Variants in DNHD1 observed in about 807,000 individuals in gnomAD.
The protein encoded by DNHD1 is dynein heavy chain domain-containing protein 1.
A neutral mutation model predicts 458.1 loss-of-function variants in DNHD1; 383 were observed. The ratio of observed to expected loss-of-function variants is 0.84; its 90% CI spans 0.77 to 0.91. The LOEUF (loss-of-function observed/expected upper bound fraction) is 0.91, where lower values mean the gene tolerates loss of function less well. Ranked by LOEUF, DNHD1 falls within the 40% of genes least tolerant of loss-of-function variation. The pLI, the probability that DNHD1 is intolerant of heterozygous loss-of-function variation, is 0.00. For synonymous variants in DNHD1, 2,203 were observed against 2,376.9 expected, an observed-to-expected ratio of 0.93 and a Z score of 2.13; for missense variants, 5,336 against 5,866.1, an observed-to-expected ratio of 0.91 and a Z score of 2.95.
At chr11:6,539,518 CT>C (rs1853045192) in intron 17 of DNHD1, among the ~76,000 whole-genome samples, 1 of 152,216 alleles carries the variant, frequency 6.6e-6, no homozygotes, top group African/African-American at 2.4e-5. Flanking sequence ...GAGTATGTCC[CT>C]GATGGGGGAA....
chr11:6,520,307 G>A lies in DNHD1; in HGVS notation c.1837+18G>A. 3 of 1,551,702 alleles carry A rather than the reference G, an allele frequency of 1.9e-6. No individual in the cohort carries two copies. Among genetic ancestry groups the A allele is most frequent in the Non-Finnish European group, 2.6e-6 (3 of 1,146,988 alleles). ...TTCTGAAGGTATTTAGGGAGACCTA[G>A]GCAGGGGGTAGGAAGGCTGAAGGAG... On this transcript the variant is annotated intron_variant, in intron 10 of 42. Coordinates refer to ENST00000254579, the MANE Select transcript of DNHD1 (RefSeq NM_144666.3).
chr11:6,539,722 C>T (rs916069200), intron 17 of DNHD1, among the ~76,000 whole-genome samples, 154 bp from the exon 18 acceptor site: 2 of 152,202 alleles, frequency 1.3e-5, no homozygotes, highest in East Asian at 1.9e-4. Context: ...ATCTTTGAAG[C>T]CTGATGGTCC....
At chr11:6,523,099 C>A (rs2134399513) in intron 10 of DNHD1, among the ~76,000 whole-genome samples, 1 of 152,274 alleles carries the variant, frequency 6.6e-6, no homozygotes, top group East Asian at 1.9e-4. Context: ...TTTAGTATGG[C>A]AATATCCTAC....
intron 36 of DNHD1, 91 bp from the exon 37 acceptor site, chr11:6,567,965 A>G (rs1853747014): frequency 6.7e-7 from 1 of 1,482,862 alleles, no homozygotes. Flanking sequence ...CTACGTAGGG[A>G]CTTTGGGGAT....
At chr11:6,540,250 C>G (rs919637751) in intron 18 of DNHD1, among the ~76,000 whole-genome samples, 167 bp downstream of exon 18, 1 of 152,288 alleles carries the variant, frequency 6.6e-6, no homozygotes, top group Non-Finnish European at 1.5e-5. Context: ...ATGTAGCCCC[C>G]CTACTGTCTT....
chr11:6,547,640 T>C lies in DNHD1; in HGVS notation c.6701T>C (p.Leu2234Pro). ...LHSLLDLHLRLKEEKAPGPED... is the reference protein window; with the variant it reads ...LHSLLDLHLRPKEEKAPGPED... ...AGTCTGCTTGACCTCCACCTTCGCC[T>C]AAAGGAGGAGAAGGCCCCTGGCCCA... The change falls in exon 21 of 43, where the codon CTA (leucine) becomes CCA (proline). Residue 2234 changes from leucine to proline, a missense_variant. By Grantham distance (98) the Leu-to-Pro change is moderately conservative. This residue lies in a region of DNHD1 where 3,932 missense variants were observed against 4,365.6 expected (regional missense o/e 0.90). Coordinates refer to ENST00000254579, the MANE Select transcript of DNHD1 (RefSeq NM_144666.3). 1 of 1,529,488 alleles carries C rather than the reference T, an allele frequency of 6.5e-7. No homozygotes were observed. The allele number at this position is 1,529,488 out of a possible 1,614,324, so 94.7% of individuals were successfully genotyped here.
chr11:6,564,678 C>A lies in DNHD1; in HGVS notation c.10630C>A (p.Pro3544Thr). 6.4e-7 allele frequency: 1 copy of A among 1,551,694 alleles called. No homozygotes were observed. The highest frequency in any genetic ancestry group is 2.4e-5 in the East Asian group (1 of 40,916). ...AHLAGLLLRSPTHYSSCRWPL... is the reference protein window; with the variant it reads ...AHLAGLLLRSTTHYSSCRWPL... ...CCTGGCAGGCTTGCTTCTGCGAAGCCCCACACACTACAGTAGTTGCCGTTG... is the reference window on the plus strand; with the variant it reads ...CCTGGCAGGCTTGCTTCTGCGAAGCACCACACACTACAGTAGTTGCCGTTG... Residue 3544 changes from proline (P) to threonine (T), a missense_variant, in exon 32 of 43, where the codon CCC becomes ACC. Pro to Thr is a conservative substitution (Grantham distance 38, BLOSUM62 -1). This residue lies in a region of DNHD1 where 3,932 missense variants were observed against 4,365.6 expected (regional missense o/e 0.90). Coordinates refer to ENST00000254579, the MANE Select transcript of DNHD1 (RefSeq NM_144666.3).
chr11:6,538,613 T>C lies in DNHD1; in HGVS notation c.3128T>C (p.Phe1043Ser). Residue 1043 changes from phenylalanine (F) to serine (S), a missense_variant and splice_region_variant, in exon 16 of 43, where the codon TTC becomes TCC. This residue lies in a region of DNHD1 where 3,932 missense variants were observed against 4,365.6 expected (regional missense o/e 0.90). Transcript: ENST00000254579. ...GACAGTGAGCCCTTCTCCCTGCAGT[T>C]CAGCCCAGCTATGGCCCAGGAGAAG... The part of the protein sequence containing the change: ...SEWKCMAFAK[F>S]SPAMAQEKTE... The C allele has an allele frequency of 6.5e-7, 1 of 1,546,680 alleles. No individual in the cohort carries two copies. Among genetic ancestry groups the C allele is most frequent in the Non-Finnish European group, 8.7e-7 (1 of 1,143,748 alleles).
chr11:6,544,013 A>G, intron 18 of DNHD1, 108 bp from the exon 19 acceptor site: 1 of 741,790 alleles, frequency 1.3e-6, no homozygotes, highest in Non-Finnish European at 2.1e-6. Context: ...AAAGGGCATC[A>G]GGGTCTCTGT....
At chr11:6,566,542 C>A in intron 34 of DNHD1, 45 bp from the exon 35 acceptor site, 1 of 1,604,360 alleles carries the variant, frequency 6.2e-7, no homozygotes, top group Non-Finnish European at 8.5e-7. Flanking sequence ...TACCCCCTGG[C>A]TCTGCCAAGG....
Position 6,546,323 on chromosome 11 carries a change from T to C in DNHD1, c.5384T>C (p.Val1795Ala). ...AGTAGCTTCTTTGAAAAACATCACG[T>C]GTCTGTGCGCCTTGGCTATGGCTGT... Reference protein sequence around the residue: ...LGSSFFEKHHVSVRLGYGCLL... With the variant: ...LGSSFFEKHHASVRLGYGCLL... Residue 1795 changes from valine (V) to alanine (A), a missense_variant, in exon 21 of 43, where the codon GTG becomes GCG. This residue lies in a region of DNHD1 where 3,932 missense variants were observed against 4,365.6 expected (regional missense o/e 0.90). Transcript: ENST00000254579. 1 of 1,552,366 alleles carries C rather than the reference T, an allele frequency of 6.4e-7. No individual in the cohort carries two copies. The highest frequency in any genetic ancestry group is 2.0e-5 in the Admixed American group (1 of 51,008).
chr11:6,511,181 G>A, intron 6 of DNHD1, 92 bp from the exon 7 acceptor site: 1 of 1,481,652 alleles, frequency 6.7e-7, no homozygotes, highest in Non-Finnish European at 9.1e-7. Flanking sequence ...AAATATTTGT[G>A]CAGTCTGAGG....
At chr11:6,563,618 T>G in intron 30 of DNHD1, 54 bp downstream of exon 30, 1 of 1,547,078 alleles carries the variant, frequency 6.5e-7, no homozygotes, top group Non-Finnish European at 8.7e-7. Context: ...AAGGGACACT[T>G]GGCAAGGCTA....
chr11:6,549,105 A>T (rs1853282724), intron 24 of DNHD1, 172 bp downstream of exon 24: 1 of 708,700 alleles, frequency 1.4e-6, no homozygotes, highest in Non-Finnish European at 2.3e-6. Context: ...ATCCACTCTC[A>T]TGGCCTCATC....
chr11:6,571,671 A>AG lies in DNHD1; in HGVS notation c.13950dup (p.Leu4651AlafsTer45). 2 of 1,606,662 alleles carry AG rather than the reference A, an allele frequency of 1.2e-6. No homozygotes were observed. The highest frequency in any genetic ancestry group is 1.7e-6 in the Non-Finnish European group (2 of 1,176,288). ...GTCCAAATCCCACGGTTCCAGAGAGAGGGCTGCTGCTGATCGGGCTACAGG... is the reference window on the plus strand; with the variant it reads ...GTCCAAATCCCACGGTTCCAGAGAGAGGGGCTGCTGCTGATCGGGCTACAGG... On this transcript the variant is annotated frameshift_variant, in exon 43 of 43. Coordinates refer to ENST00000254579, the MANE Select transcript of DNHD1 (RefSeq NM_144666.3). LOFTEE classifies it high-confidence loss of function. This position sits in a 1 kb window ranked among gnomAD's most constrained non-coding sequence, Gnocchi z 5.0.
rs747169993 is a variant in DNHD1 at position 6,545,811 on chromosome 11, G to C, written c.4872G>C (p.Lys1624Asn). 9.0e-6 allele frequency: 14 copies of C among 1,551,780 alleles called. No individual in the cohort carries two copies. The East Asian group carries it at 3.4e-4, about 38-fold the overall frequency. Reference protein sequence around the residue: ...IIPKSPLQSLKTIASSEPSLS... With the variant: ...IIPKSPLQSLNTIASSEPSLS... ...CCAAAAGCCCCCTACAGAGTCTTAA[G>C]ACTATTGCATCTTCTGAACCCTCTC... The change falls in exon 21 of 43, where the codon AAG (lysine) becomes AAC (asparagine). Residue 1624 changes from lysine (K) to asparagine (N), a missense_variant. Coordinates refer to ENST00000254579, the MANE Select transcript of DNHD1 (RefSeq NM_144666.3). This position sits in a 1 kb window ranked among gnomAD's most constrained non-coding sequence, Gnocchi z 4.9.
intron 7 of DNHD1, among the ~76,000 whole-genome samples, chr11:6,515,564 G>T (rs1408092452): frequency 1.3e-5 from 2 of 151,852 alleles, no homozygotes; most frequent in Admixed American, 6.6e-5. Flanking sequence ...ACCAAAAATA[G>T]AATTTAGCTG....
At chr11:6,549,243 T>C (rs1310483788) in intron 24 of DNHD1, among the ~76,000 whole-genome samples, 1 of 152,092 alleles carries the variant, frequency 6.6e-6, no homozygotes, top group African/African-American at 2.4e-5. Flanking sequence ...CCTGAGCTCA[T>C]CATCTCCCCG....
At position 6,544,924 on chromosome 11, in the gene DNHD1, C is replaced by G; in HGVS notation, c.3985C>G (p.Gln1329Glu). The G allele has an allele frequency of 1.3e-6, 2 of 1,551,722 alleles. No individual in the cohort carries two copies. Among genetic ancestry groups the G allele is most frequent in the Non-Finnish European group, 1.7e-6 (2 of 1,146,994 alleles). Reference sequence around the variant, plus strand: ...TTACTTCCAAGGCCAGCAGCTGCAACAACTGCTGCAAGCAGGATCGGTGGA... The same window carrying G: ...TTACTTCCAAGGCCAGCAGCTGCAAGAACTGCTGCAAGCAGGATCGGTGGA... ...SPYFQGQQLQ[Q>E]LLQAGSVELE... is the part of the protein sequence containing the mutation. The change falls in exon 21 of 43, where the codon CAA becomes GAA. Residue 1329 changes from glutamine (Q) to glutamate (E), a missense_variant. Gln to Glu is a conservative substitution (Grantham distance 29). Around this residue, in one of 4 missense-constraint regions of DNHD1, gnomAD observed 3,932 missense variants for 4,365.6 expected, o/e 0.90. Transcript: ENST00000254579.
Sources: gnomAD v4.1 joint callset for allele counts (sites outside exome capture counted in the v4.1 genomes callset) on GRCh38, gnomAD v4.1.1 for gene constraint, gnomAD v4.1.1 regional missense constraint, Gnocchi (gnomAD v3.1) non-coding constraint, MANE v1.5 for transcripts, NCBI Gene and HGNC (gene_info 2026-07-23, HGNC 2026-07-21) for gene names.